Variants in TEX26 observed in about 807,000 individuals in gnomAD.
TEX26 encodes the protein testis expressed 26.
TEX26 carries 34 observed loss-of-function variants against 35.3 expected under a neutral mutation model. That is an observed-to-expected ratio of 0.96 (90% CI 0.73 to 1.28). TEX26 has a LOEUF of 1.28. Among genes scored for constraint, TEX26 ranks in the 50% most tolerant of loss-of-function variants. The pLI is 0.00. For missense variants in TEX26, 371 were observed against 330.1 expected (o/e 1.12, Z -0.96); for synonymous variants, 136 against 111.8 (o/e 1.22, Z -1.36).
At chr13:30,970,925 G>C (rs1428262631) in intron 6 of TEX26, among the ~76,000 whole-genome samples, 1 of 152,224 alleles carries the variant, frequency 6.6e-6, no homozygotes, top group African/African-American at 2.4e-5. Context: ...AGACCTGTTA[G>C]CTAACAAGGT....
Position 30,952,741 on chromosome 13 carries a change from CA to C in TEX26, c.229del (p.Thr77LeufsTer10). 6.2e-7 allele frequency: 1 copy of C among 1,612,590 alleles called. No individual in the cohort carries two copies. On this transcript the variant is annotated frameshift_variant, in exon 3 of 7. Coordinates refer to ENST00000380473, the MANE Select transcript of TEX26 (RefSeq NM_152325.3). LOFTEE classifies it high-confidence loss of function. ...LNQTQYSDEY[T>X]WKSHSKEDLI... ...ATCAGACACAATATAGTGATGAGTA[CA>C]CTTGGAAATCACACTCTAAAGAAGA...
chr13:30,949,093 G>T (rs1184889579), intron 2 of TEX26, among the ~76,000 whole-genome samples: 1 of 152,044 alleles, frequency 6.6e-6, no homozygotes, highest in Admixed American at 6.6e-5. Context: ...CTGTTCCATT[G>T]GTCTATATCT....
chr13:30,965,431 T>C (rs1362349725), intron 4 of TEX26, among the ~76,000 whole-genome samples: 1 of 152,204 alleles, frequency 6.6e-6, no homozygotes, highest in Non-Finnish European at 1.5e-5. Flanking sequence ...TTTGCACTGT[T>C]TGGACATTGC....
chr13:30,965,202 TCTC>T (rs1954483940), intron 4 of TEX26, among the ~76,000 whole-genome samples: 1 of 152,144 alleles, frequency 6.6e-6, no homozygotes, highest in African/African-American at 2.4e-5. Context: ...ACTGGAATCC[TCTC>T]CTCCTCTGCT....
At chr13:30,954,661 T>C (rs1046444416) in intron 3 of TEX26, among the ~76,000 whole-genome samples, 1 of 152,078 alleles carries the variant, frequency 6.6e-6, no homozygotes, top group Non-Finnish European at 1.5e-5. Flanking sequence ...TCTCACTCTG[T>C]TTCCCAGGCT....
At chr13:30,936,899 C>T in intron 1 of TEX26, 1 of 985,328 alleles carries the variant, frequency 1.0e-6, no homozygotes, top group South Asian at 4.7e-5. Context: ...ACAGATTTCT[C>T]AATGAACATT....
At chr13:30,957,306 G>C (rs563356540) in intron 4 of TEX26, among the ~76,000 whole-genome samples, 1 of 152,154 alleles carries the variant, frequency 6.6e-6, no homozygotes, top group Non-Finnish European at 1.5e-5. Context: ...GAATTAGCCA[G>C]GCAAAGAGGT....
intron 2 of TEX26, among the ~76,000 whole-genome samples, chr13:30,946,128 C>T (rs9603724): frequency 0.32 from 49,093 of 151,686 alleles, 9,303 homozygotes; most frequent in Non-Finnish European, 0.42. Flanking sequence ...TCCCATATTT[C>T]TTGGAGACTT....
chr13:30,947,510 C>T (rs548787294), intron 2 of TEX26, among the ~76,000 whole-genome samples: 9 of 152,154 alleles, frequency 5.9e-5, no homozygotes, highest in East Asian at 5.8e-4. Flanking sequence ...CAACTTGGTT[C>T]GGTACTCCTT....
At chr13:30,958,358 C>T (rs887549619) in intron 4 of TEX26, among the ~76,000 whole-genome samples, 5 of 152,208 alleles carry the variant, frequency 3.3e-5, no homozygotes, top group South Asian at 2.1e-4. Flanking sequence ...GACGCACAGA[C>T]GGAAATCTTT....
At chr13:30,947,900 C>A (rs1013603027) in intron 2 of TEX26, among the ~76,000 whole-genome samples, 1 of 152,014 alleles carries the variant, frequency 6.6e-6, no homozygotes, top group Non-Finnish European at 1.5e-5. Flanking sequence ...TCCCCCCACC[C>A]CACAACTGTC....
intron 6 of TEX26, among the ~76,000 whole-genome samples, chr13:30,974,131 A>AAAATATATATATATATATATATATATAT: frequency 1.3e-4 from 11 of 84,414 alleles, no homozygotes; most frequent in South Asian, 4.8e-4. Context: ...AAAAAAAAAA[A>AAAATATATATATATATATATATATATAT]ATATATATAT....
intron 2 of TEX26, among the ~76,000 whole-genome samples, chr13:30,941,306 C>A (rs916381922): frequency 6.6e-6 from 1 of 152,170 alleles, no homozygotes; most frequent in African/African-American, 2.4e-5. Flanking sequence ...CCCAGTGAGT[C>A]CGTAACTGGG....
At chr13:30,970,490 G>A (rs1219000618) in intron 6 of TEX26, among the ~76,000 whole-genome samples, 1 of 152,152 alleles carries the variant, frequency 6.6e-6, no homozygotes, top group Non-Finnish European at 1.5e-5. Flanking sequence ...AGAGTTCCCA[G>A]CCAAAGCTCT....
intron 4 of TEX26, among the ~76,000 whole-genome samples, chr13:30,965,396 G>C (rs977934226): frequency 6.2e-4 from 94 of 152,306 alleles, no homozygotes; most frequent in African/African-American, 2.1e-3. Flanking sequence ...ATTTGGAAGA[G>C]AGTTGAGTTC....
At position 30,950,955 on chromosome 13, in the gene TEX26, C is replaced by T. The variant is rs75154548; in HGVS notation, c.147-1705C>T. Among the ~76,000 whole-genome samples, 146 of 152,298 alleles carry T rather than the reference C, an allele frequency of 9.6e-4. 1 individual carries two copies. In the East Asian group the frequency reaches 0.028, roughly 29 times the overall value. ...GGAAGAAAGAACCCACATACATTTG[C>T]AGGTTTGTTCTCAGGTGGATATGTT... On this transcript the variant is annotated intron_variant, in intron 2 of 6. Transcript: ENST00000380473.
intron 4 of TEX26, among the ~76,000 whole-genome samples, chr13:30,959,564 G>C (rs1025023528): frequency 1.3e-5 from 2 of 151,914 alleles, no homozygotes. Context: ...TTGCTGCTGA[G>C]CCAAGTTGTA....
rs533757031 is a variant in TEX26 at position 30,955,194 on chromosome 13, A to C, written c.313-1679A>C. On this transcript the variant is annotated intron_variant, in intron 3 of 6. Transcript: ENST00000380473. ...GAGCTTTAAAAAATGAAATCGCAAAAATATCTCATAATGTTTTAAATAAGT... is the reference window on the plus strand; with the variant it reads ...GAGCTTTAAAAAATGAAATCGCAAACATATCTCATAATGTTTTAAATAAGT... Among the ~76,000 whole-genome samples the C allele has an allele frequency of 1.2e-4, 19 of 152,306 alleles. No individual in the cohort carries two copies. The East Asian group carries it at 2.9e-3, about 23-fold the overall frequency.
In TEX26 at chr13:30,969,596, G is replaced by A. The variant is rs1329333115; in HGVS notation, c.808+550G>A. On this transcript the variant is annotated intron_variant, in intron 6 of 6. Coordinates refer to ENST00000380473, the MANE Select transcript of TEX26 (RefSeq NM_152325.3). ...TTTGGGGGCATCTTAGGGGCAACAGGTCAGTCTGAGAGTGTATAAAATGTG... is the reference window on the plus strand; with the variant it reads ...TTTGGGGGCATCTTAGGGGCAACAGATCAGTCTGAGAGTGTATAAAATGTG... 2.0e-5 allele frequency among the ~76,000 whole-genome samples: 3 copies of A among 152,160 alleles called. No individual in the cohort carries two copies. The East Asian group carries it at 5.8e-4, about 29-fold the overall frequency.
Sources: allele counts gnomAD v4.1 joint callset (sites outside exome capture counted in the v4.1 genomes callset), GRCh38; gene constraint gnomAD v4.1.1; transcripts MANE v1.5; gene names NCBI Gene and HGNC (gene_info 2026-07-23, HGNC 2026-07-21).